SOS2: variants seen among roughly 807,000 people sequenced by gnomAD.
SOS2 encodes son of sevenless homolog 2.
In SOS2, 65 loss-of-function variants were observed where a neutral mutation model predicts 148.2. The observed-to-expected ratio is 0.44, with a 90% confidence interval of 0.36 to 0.54. The LOEUF is 0.54. Ranked by LOEUF, SOS2 falls within the 20% of genes least tolerant of loss-of-function variation. The pLI is 0.00. For synonymous variants in SOS2, 539 were observed against 537.1 expected (o/e 1.00, Z -0.05); for missense variants, 1,341 against 1,590.2 (o/e 0.84, Z 2.67).
intron 1 of SOS2, among the ~76,000 whole-genome samples, chr14:50,207,182 A>C (rs1886688719): frequency 6.6e-6 from 1 of 152,142 alleles, no homozygotes; most frequent in Non-Finnish European, 1.5e-5. Flanking sequence ...TTGGGACTAG[A>C]CTTTATATAA....
At chr14:50,138,462 CTTA>C in intron 18 of SOS2, 147 bp downstream of exon 18, 2 of 408,418 alleles carry the variant, frequency 4.9e-6, no homozygotes, top group Non-Finnish European at 8.6e-6. Context: ...TGCCTGGCCT[CTTA>C]CAGTTACTTT....
chr14:50,230,985 T>A (rs1447838803), intron 1 of SOS2: 1 of 839,732 alleles, frequency 1.2e-6, no homozygotes, highest in Non-Finnish European at 1.5e-6. Context: ...TTTATGATCA[T>A]AACAAAACCT....
intron 8 of SOS2, among the ~76,000 whole-genome samples, chr14:50,165,443 C>T (rs1478296287): frequency 6.6e-6 from 1 of 152,004 alleles, no homozygotes; most frequent in Non-Finnish European, 1.5e-5. Context: ...CTCAGTAGGA[C>T]GAATACCCAA....
At chr14:50,154,080 G>T (rs1884744373) in intron 12 of SOS2, among the ~76,000 whole-genome samples, 1 of 152,164 alleles carries the variant, frequency 6.6e-6, no homozygotes. Context: ...GAAAGACAAG[G>T]GGAGAGGGAA....
chr14:50,138,856 A>G, intron 17 of SOS2, 72 bp from the exon 18 acceptor site: 1 of 599,206 alleles, frequency 1.7e-6, no homozygotes, highest in Non-Finnish European at 2.7e-6. Context: ...TATTTGGGAA[A>G]ACAACTGATC....
intron 1 of SOS2, among the ~76,000 whole-genome samples, chr14:50,217,680 G>C (rs1000955782): frequency 2.6e-5 from 4 of 152,200 alleles, no homozygotes; most frequent in Admixed American, 2.6e-4. Context: ...CTTTTGGCCG[G>C]GTGCGGTGGC....
In SOS2 at chr14:50,199,673, A is replaced by G. The variant is rs764548679; in HGVS notation, c.510+18T>C. On this transcript the variant is annotated intron_variant, in intron 4 of 22. Coordinates refer to ENST00000216373, the MANE Select transcript of SOS2 (RefSeq NM_006939.4). ...TAGTTGCTATTCAAGTTAAATTTAA[A>G]TACCTTGTAACACTTACCTTATCCG... 2 of 1,497,376 alleles carry G rather than the reference A, an allele frequency of 1.3e-6. No individual in the cohort carries two copies. Among genetic ancestry groups the G allele is most frequent in the East Asian group, 2.4e-5 (1 of 41,958 alleles). The allele number at this position is 1,497,376 out of a possible 1,614,324, so 92.8% of individuals were successfully genotyped here.
At chr14:50,189,072 C>T (rs866823740) in intron 4 of SOS2, among the ~76,000 whole-genome samples, 4,776 of 148,008 alleles carry the variant, frequency 0.032, 99 homozygotes, top group African/African-American at 0.057. Context: ...CACACACACA[C>T]ACACACACAC....
intron 21 of SOS2, among the ~76,000 whole-genome samples, 188 bp from the exon 22 acceptor site, chr14:50,120,572 A>T (rs888389020): frequency 6.6e-6 from 1 of 152,164 alleles, no homozygotes; most frequent in Non-Finnish European, 1.5e-5. Context: ...TCTAGCACCA[A>T]CCATAGTGCC....
intron 1 of SOS2, among the ~76,000 whole-genome samples, chr14:50,224,684 A>G (rs1044642854): frequency 6.6e-6 from 1 of 150,896 alleles, no homozygotes; most frequent in African/African-American, 2.4e-5. Context: ...CAGGAATTTG[A>G]GACCAGCCAG....
intron 21 of SOS2, among the ~76,000 whole-genome samples, chr14:50,127,906 G>A (rs1192494409): frequency 6.6e-6 from 1 of 152,170 alleles, no homozygotes; most frequent in Non-Finnish European, 1.5e-5. Context: ...GGAGGAAAAT[G>A]AGTTCAAAAT....
chr14:50,200,475 TAATC>T (rs772757141), intron 3 of SOS2, among the ~76,000 whole-genome samples: 2 of 152,174 alleles, frequency 1.3e-5, no homozygotes, highest in Non-Finnish European at 2.9e-5. Context: ...TACACTTTCT[TAATC>T]AACAAATGAC....
Position 50,159,821 on chromosome 14 carries a change from AC to A in SOS2, c.1461del (p.Arg487SerfsTer2). ...TTCCTCATGACAAATTTTTCTTTTA[AC>A]CTGTATTCTGCACTACTGTAACCTG... ...RLPGYSSAEY[R>X]LKEKFVMRKI... On this transcript the variant is annotated frameshift_variant, in exon 10 of 23. Transcript: ENST00000216373. LOFTEE classifies it high-confidence loss of function. 6.2e-7 allele frequency: 1 copy of A among 1,614,014 alleles called. No individual in the cohort carries two copies. The highest frequency in any genetic ancestry group is 8.5e-7 in the Non-Finnish European group (1 of 1,179,988).
intron 16 of SOS2, among the ~76,000 whole-genome samples, 187 bp downstream of exon 16, chr14:50,144,983 A>G (rs1433912538): frequency 1.3e-5 from 2 of 151,952 alleles, no homozygotes; most frequent in African/African-American, 2.4e-5. Context: ...TAGGATTCAC[A>G]TATTATATAT....
At chr14:50,146,061 A>C (rs1884458304) in intron 14 of SOS2, among the ~76,000 whole-genome samples, 1 of 150,414 alleles carries the variant, frequency 6.6e-6, no homozygotes, top group Non-Finnish European at 1.5e-5. Flanking sequence ...TGAACCCGGG[A>C]GATGGAGGTT....
rs1351699918 is a variant in SOS2 at position 50,176,965 on chromosome 14, G to A, written c.970-2413C>T. On this transcript the variant is annotated intron_variant, in intron 7 of 22. Coordinates refer to ENST00000216373, the MANE Select transcript of SOS2 (RefSeq NM_006939.4). ...GCAGAGGTTGCAGTGAGCCAAGATC[G>A]CGCCACTGCACTCCAGCCTGGGTGA... Among the ~76,000 whole-genome samples, 7 of 152,192 alleles carry A rather than the reference G, an allele frequency of 4.6e-5. No homozygotes were observed. The South Asian group carries it at 6.2e-4, about 14-fold the overall frequency.
At chr14:50,213,722 A>G (rs1356792701) in intron 1 of SOS2, among the ~76,000 whole-genome samples, 1 of 151,906 alleles carries the variant, frequency 6.6e-6, no homozygotes, top group African/African-American at 2.4e-5. Context: ...ATAATAATGT[A>G]AACTTTGAAT....
chr14:50,140,122 A>C, intron 16 of SOS2, 63 bp from the exon 17 acceptor site: 1 of 837,566 alleles, frequency 1.2e-6, no homozygotes, highest in African/African-American at 1.7e-5. Context: ...ATAAATGCAA[A>C]CCTTTAAATT....
At chr14:50,187,266 G>A (rs930676603) in intron 5 of SOS2, among the ~76,000 whole-genome samples, 1 of 151,414 alleles carries the variant, frequency 6.6e-6, no homozygotes, top group East Asian at 1.9e-4. Flanking sequence ...CCTGTCTCAG[G>A]TTCCCAAAAC....
Sources: allele counts gnomAD v4.1 joint callset (sites outside exome capture counted in the v4.1 genomes callset), GRCh38; gene constraint gnomAD v4.1.1; transcripts MANE v1.5; gene names NCBI Gene and HGNC (gene_info 2026-07-23, HGNC 2026-07-21).